The following DLG2 variants were observed in gnomAD, a reference collection of about 807,000 sequenced individuals.
DLG2 encodes the protein discs large MAGUK scaffold protein 2.
Under a neutral mutation model 132.5 loss-of-function variants are expected in DLG2, and 45 were observed. The observed-to-expected ratio is 0.34, with a 90% CI of 0.27 to 0.44. The LOEUF (loss-of-function observed/expected upper bound fraction) is 0.44. Ranked by LOEUF, DLG2 falls within the 20% of genes least tolerant of loss-of-function variation. The pLI is 1.00. For synonymous variants in DLG2, 424 were observed against 419.6 expected (o/e 1.01, Z -0.13); for missense variants, 1,045 against 1,196.9 (o/e 0.87, Z 1.87).
At chr11:83,481,108 G>A (rs548378890) in intron 22 of DLG2, among the ~76,000 whole-genome samples, 1 of 152,192 alleles carries the variant, frequency 6.6e-6, no homozygotes, top group East Asian at 1.9e-4. Context: ...CTAGTGGCAT[G>A]GAACAGGCAG....
At chr11:83,882,645 C>G (rs532277986) in intron 15 of DLG2, among the ~76,000 whole-genome samples, 3 of 152,168 alleles carry the variant, frequency 2.0e-5, no homozygotes, top group Admixed American at 6.5e-5. Flanking sequence ...TATTATGCCA[C>G]TATACAATCA....
At chr11:83,467,410 A>C (rs2091231947) in intron 25 of DLG2, among the ~76,000 whole-genome samples, 1 of 152,148 alleles carries the variant, frequency 6.6e-6, no homozygotes, top group Admixed American at 6.6e-5. Context: ...TCCTGTCTGC[A>C]AGGTACTCAG....
At chr11:85,035,278 C>T (rs2061350848) in intron 6 of DLG2, among the ~76,000 whole-genome samples, 2 of 152,168 alleles carry the variant, frequency 1.3e-5, no homozygotes. Flanking sequence ...ACACTCACCC[C>T]TTGAAATAGC....
chr11:84,800,197 AAG>A (rs1163253977), intron 6 of DLG2, among the ~76,000 whole-genome samples: 9 of 152,330 alleles, frequency 5.9e-5, no homozygotes, highest in Non-Finnish European at 1.3e-4. Context: ...GAAATTTTAG[AAG>A]AGAACACAGC....
At chr11:83,653,248 C>A (rs989225519) in intron 18 of DLG2, among the ~76,000 whole-genome samples, 1 of 152,198 alleles carries the variant, frequency 6.6e-6, no homozygotes, top group Non-Finnish European at 1.5e-5. Context: ...ACTGAAGAAA[C>A]CTGCCATGGG....
At position 84,412,962 on chromosome 11, in the gene DLG2, CA is replaced by C. The variant is rs1348675248; in HGVS notation, c.519+121607del. Among the ~76,000 whole-genome samples the C allele has an allele frequency of 2.6e-5, 4 of 152,208 alleles. No individual in the cohort carries two copies. The South Asian group carries it at 8.3e-4, about 32-fold the overall frequency. ...CTTTTATTCATCTTGGTAACAATGACACCTATTATTATCTGAATTATAATAT... is the reference window on the plus strand; with the variant it reads ...CTTTTATTCATCTTGGTAACAATGACCCTATTATTATCTGAATTATAATAT... On this transcript the variant is annotated intron_variant, in intron 7 of 27. Transcript: ENST00000376104.
chr11:83,597,854 ACT>A (rs761251453), intron 19 of DLG2, among the ~76,000 whole-genome samples: 3 of 152,096 alleles, frequency 2.0e-5, no homozygotes, highest in Non-Finnish European at 4.4e-5. Flanking sequence ...ATAAAAATAA[ACT>A]CTACAATTGT....
intron 3 of DLG2, among the ~76,000 whole-genome samples, chr11:85,395,512 C>G (rs537523117): frequency 1.3e-5 from 2 of 152,190 alleles, no homozygotes; most frequent in Admixed American, 1.3e-4. Flanking sequence ...CAAGGGAAGC[C>G]GTGACAGGCC....
At chr11:84,547,886 G>T (rs144995412) in intron 6 of DLG2, among the ~76,000 whole-genome samples, 159 of 152,260 alleles carry the variant, frequency 1.0e-3, no homozygotes, top group African/African-American at 3.8e-3. Flanking sequence ...AGACTCCTGT[G>T]TACTCCACCA....
chr11:83,941,471 C>G (rs368062139), intron 14 of DLG2, among the ~76,000 whole-genome samples: 5 of 152,040 alleles, frequency 3.3e-5, no homozygotes, highest in African/African-American at 9.7e-5. Flanking sequence ...TCTCAACTCA[C>G]TGCAACCTCT....
intron 18 of DLG2, among the ~76,000 whole-genome samples, chr11:83,768,247 T>C (rs540461131): frequency 1.3e-5 from 2 of 152,210 alleles, no homozygotes; most frequent in African/African-American, 4.8e-5. Flanking sequence ...TTTATTCATA[T>C]AGAATTTATT....
At chr11:85,399,931 G>A (rs1156488607) in intron 3 of DLG2, among the ~76,000 whole-genome samples, 1 of 152,094 alleles carries the variant, frequency 6.6e-6, no homozygotes, top group East Asian at 1.9e-4. Context: ...ATTGACCAAT[G>A]GGATCTAATT....
chr11:85,367,281 T>G (rs1223115882), intron 3 of DLG2, among the ~76,000 whole-genome samples: 1 of 152,148 alleles, frequency 6.6e-6, no homozygotes, highest in Non-Finnish European at 1.5e-5. Flanking sequence ...GAAAGCAGAT[T>G]GCCTGGATCC....
At chr11:84,632,053 A>C (rs1037666861) in intron 6 of DLG2, among the ~76,000 whole-genome samples, 1 of 152,182 alleles carries the variant, frequency 6.6e-6, no homozygotes, top group Admixed American at 6.6e-5. Context: ...TGCCTGAACC[A>C]GTGAGAGGAA....
At chr11:84,662,988 G>A (rs976912843) in intron 6 of DLG2, among the ~76,000 whole-genome samples, 2 of 151,734 alleles carry the variant, frequency 1.3e-5, no homozygotes, top group African/African-American at 2.4e-5. Flanking sequence ...CAGGTTACAG[G>A]GTAACATCAC....
At chr11:84,682,772 T>C (rs1379842040) in intron 6 of DLG2, among the ~76,000 whole-genome samples, 1 of 152,152 alleles carries the variant, frequency 6.6e-6, no homozygotes, top group Non-Finnish European at 1.5e-5. Flanking sequence ...ACTCAGTGAC[T>C]TGGTGGCACA....
chr11:85,223,634 C>G (rs2074798524), intron 4 of DLG2, among the ~76,000 whole-genome samples: 2 of 152,004 alleles, frequency 1.3e-5, no homozygotes, highest in African/African-American at 4.8e-5. Flanking sequence ...AGGAGACCTG[C>G]TGTTTTTTTG....
rs184007465 is a variant in DLG2, at chr11:84,063,608, A to G, written c.750-4124T>C. Among the ~76,000 whole-genome samples the G allele has an allele frequency of 4.1e-3, 617 of 152,270 alleles. 4 individuals are homozygous for G. The highest frequency in any genetic ancestry group is 0.014 in the African/African-American group (572 of 41,556). On this transcript the variant is annotated intron_variant, in intron 10 of 27. Coordinates refer to ENST00000376104, the MANE Select transcript of DLG2 (RefSeq NM_001142699.3). ...TACCATTTGACCCAGCCATCCCATT[A>G]CTGGGTATATACCCAAAGGATTATA...
intron 6 of DLG2, among the ~76,000 whole-genome samples, chr11:84,535,359 G>T (rs1591781471): frequency 6.6e-6 from 1 of 152,294 alleles, no homozygotes; most frequent in East Asian, 1.9e-4. Flanking sequence ...TAGAAGCAGA[G>T]CTAGCTCTTT....
Sources: allele counts gnomAD v4.1 joint callset (sites outside exome capture counted in the v4.1 genomes callset), GRCh38; gene constraint gnomAD v4.1.1; transcripts MANE v1.5; gene names NCBI Gene and HGNC (gene_info 2026-07-23, HGNC 2026-07-21).